ECHS1: variants seen among roughly 807,000 people sequenced by gnomAD.
The protein encoded by ECHS1 is enoyl-CoA hydratase, short chain 1.
In ECHS1, 19 loss-of-function variants were observed where a neutral mutation model predicts 33.5. The ratio of observed to expected loss-of-function variants is 0.57; its 90% CI spans 0.40 to 0.83. ECHS1 has a LOEUF of 0.83. Among genes scored for constraint, ECHS1 ranks in the 40% least tolerant of loss-of-function variants. The pLI, the probability that ECHS1 is intolerant of heterozygous loss-of-function variation, is 0.00. For missense variants in ECHS1, 365 were observed against 381.3 expected (o/e 0.96, Z 0.36); for synonymous variants, 158 against 146.6 (o/e 1.08, Z -0.56).
chr10:133,368,792 G>C, intron 4 of ECHS1, 131 bp downstream of exon 4: 1 of 798,076 alleles, frequency 1.3e-6, no homozygotes, highest in South Asian at 1.7e-5. Flanking sequence ...TGTCCACAGA[G>C]GGACCACTGA....
At chr10:133,364,329 G>A (rs1018878253) in intron 7 of ECHS1, among the ~76,000 whole-genome samples, 7 of 152,128 alleles carry the variant, frequency 4.6e-5, no homozygotes, top group Non-Finnish European at 8.8e-5. Flanking sequence ...AGCCTCCCAG[G>A]AAGCTGGGGC....
intron 7 of ECHS1, among the ~76,000 whole-genome samples, chr10:133,363,385 G>A (rs1052683882): frequency 3.4e-5 from 5 of 149,054 alleles, no homozygotes; most frequent in Non-Finnish European, 5.9e-5. Flanking sequence ...ACACACACAC[G>A]CATCTGTACC....
At chr10:133,373,212 A>G (rs779521503) in intron 1 of ECHS1, 34 bp downstream of exon 1, 13 of 1,398,574 alleles carry the variant, frequency 9.3e-6, no homozygotes, top group Admixed American at 3.3e-5. Context: ...AGTCAGGAGG[A>G]GATTCGGGCC....
intron 1 of ECHS1, among the ~76,000 whole-genome samples, chr10:133,372,643 G>A (rs965204332): frequency 4.2e-4 from 64 of 151,480 alleles, no homozygotes; most frequent in Admixed American, 1.1e-3. Context: ...CCCGCAGGAC[G>A]TGGCCTGGTG....
At chr10:133,363,035 T>A in intron 7 of ECHS1, 102 bp from the exon 8 acceptor site, 1 of 1,388,686 alleles carries the variant, frequency 7.2e-7, no homozygotes, top group Non-Finnish European at 1.0e-6. Context: ...TCACTCATGC[T>A]CACAGGGGCC....
intron 1 of ECHS1, among the ~76,000 whole-genome samples, chr10:133,371,082 C>A (rs1849102327): frequency 6.6e-6 from 1 of 152,214 alleles, no homozygotes; most frequent in Non-Finnish European, 1.5e-5. Flanking sequence ...TCGAGACCAT[C>A]CTGGCTAACA....
intron 3 of ECHS1, 32 bp from the exon 4 acceptor site, chr10:133,369,054 C>T: frequency 6.3e-7 from 1 of 1,593,142 alleles, no homozygotes; most frequent in South Asian, 1.1e-5. Flanking sequence ...GAGAGTCTTA[C>T]CAGGGGAACC....
chr10:133,365,809 C>T (rs1055872287), intron 6 of ECHS1, among the ~76,000 whole-genome samples, 167 bp downstream of exon 6: 1 of 152,222 alleles, frequency 6.6e-6, no homozygotes, highest in Non-Finnish European at 1.5e-5. Context: ...TTCCTGAGTG[C>T]GTGACCAGAA....
At chr10:133,366,843 C>CGCGAGGGGGACACCT (rs781042963) in intron 5 of ECHS1, 46 bp downstream of exon 5, 1 of 1,494,234 alleles carries the variant, frequency 6.7e-7, no homozygotes, top group African/African-American at 1.4e-5. Context: ...GTGGGGCTCC[C>CGCGAGGGGGACACCT]ACCCCGGGTT....
Position 133,368,961 on chromosome 10 carries a change from TG to T in ECHS1, c.475del (p.Gln159SerfsTer8). The T allele has an allele frequency of 6.2e-7, 1 of 1,613,738 alleles. No homozygotes were observed. On this transcript the variant is annotated frameshift_variant, in exon 4 of 8. Coordinates refer to ENST00000368547, the MANE Select transcript of ECHS1 (RefSeq NM_004092.4). LOFTEE classifies it high-confidence loss of function. Reference protein sequence around the residue: ...CDIIYAGEKAQFAQPEILIGT... With the variant: ...CDIIYAGEKAXFAQPEILIGT... ...TATTAAGATCTCCGGCTGTGCAAAC[TG>T]GGCCTTCTCACCGGCATAGATGATA... is the stretch of plus-strand genomic sequence containing the variant.
chr10:133,366,779 G>T, intron 5 of ECHS1, 110 bp downstream of exon 5: 1 of 761,782 alleles, frequency 1.3e-6, no homozygotes, highest in Non-Finnish European at 2.2e-6. Flanking sequence ...ATGCTGCCCC[G>T]GGTTTCTGTG....
intron 7 of ECHS1, among the ~76,000 whole-genome samples, chr10:133,363,852 T>G (rs969631562): frequency 6.6e-6 from 1 of 152,198 alleles, no homozygotes; most frequent in East Asian, 1.9e-4. Flanking sequence ...AGAAATCTTA[T>G]AAAATATTGC....
chr10:133,370,139 G>A (rs1849084366), intron 2 of ECHS1, 108 bp from the exon 3 acceptor site: 2 of 1,471,346 alleles, frequency 1.4e-6, no homozygotes, highest in African/African-American at 2.8e-5. Flanking sequence ...CACAGGCAGT[G>A]GGGTTGCTGG....
At chr10:133,373,116 G>C (rs981856532) in intron 1 of ECHS1, 130 bp downstream of exon 1, 1 of 658,638 alleles carries the variant, frequency 1.5e-6, no homozygotes, top group African/African-American at 2.2e-5. Flanking sequence ...AGGCGGAAGA[G>C]GGGTGTGGGT....
intron 1 of ECHS1, among the ~76,000 whole-genome samples, chr10:133,372,079 A>G (rs1392059027): frequency 1.3e-5 from 2 of 152,200 alleles, no homozygotes; most frequent in East Asian, 3.9e-4. Flanking sequence ...GGCATTAGCC[A>G]CTGTGCCCCG....
At position 133,366,192 on chromosome 10, in the gene ECHS1, C is replaced by T. The variant is rs1048704473; in HGVS notation, c.620-97G>A. 3 of 1,459,356 alleles carry T rather than the reference C, an allele frequency of 2.1e-6. No homozygotes were observed. In the African/African-American group the frequency reaches 4.2e-5, roughly 20 times the overall value. The allele number at this position is 1,459,356 out of a possible 1,614,324, so 90.4% of individuals were successfully genotyped here. On this transcript the variant is annotated intron_variant, in intron 5 of 7. Coordinates refer to ENST00000368547, the MANE Select transcript of ECHS1 (RefSeq NM_004092.4). ...GCTGGGGAGCAGCGTGGCTGGAGCA[C>T]CCCAGCCTCTGGACGCTAAGCAAGG...
rs141400966 is a variant in ECHS1 at position 133,370,846 on chromosome 10, A to G, written c.89-89T>C. 12 of 1,393,258 alleles carry G rather than the reference A, an allele frequency of 8.6e-6. No individual in the cohort carries two copies. In the African/African-American group the frequency reaches 1.3e-4, roughly 15 times the overall value. The allele number at this position is 1,393,258 out of a possible 1,614,324, so 86.3% of individuals were successfully genotyped here. A position where few individuals can be genotyped will look rare whatever the true frequency, so the allele number is the denominator to read the frequency against. On this transcript the variant is annotated intron_variant, in intron 1 of 7. Transcript: ENST00000368547. Reference sequence around the variant, plus strand: ...AAGGGATGTGGCCCCATCGGTGGATACAGTGTGACCCCAAGAGGCCCTCTG... The same window carrying G: ...AAGGGATGTGGCCCCATCGGTGGATGCAGTGTGACCCCAAGAGGCCCTCTG...
chr10:133,371,114 T>A (rs977997587), intron 1 of ECHS1, among the ~76,000 whole-genome samples: 6 of 151,990 alleles, frequency 3.9e-5, no homozygotes, highest in African/African-American at 1.4e-4. Flanking sequence ...CGTCTCTACC[T>A]AAAATACAAA....
chr10:133,371,281 A>T (rs1849105700), intron 1 of ECHS1, among the ~76,000 whole-genome samples: 1 of 152,112 alleles, frequency 6.6e-6, no homozygotes, highest in Non-Finnish European at 1.5e-5. Flanking sequence ...CGTCTCAAAA[A>T]AAAAGAAAAG....
Sources: allele counts gnomAD v4.1 joint callset (sites outside exome capture counted in the v4.1 genomes callset), GRCh38; gene constraint gnomAD v4.1.1; transcripts MANE v1.5; gene names NCBI Gene and HGNC (gene_info 2026-07-23, HGNC 2026-07-21).